Variants in AIRE observed in about 807,000 individuals in gnomAD.
AIRE encodes the protein autoimmune polyendocrinopathy candidiasis ectodermal dystrophy protein.
AIRE carries 52 observed loss-of-function variants against 62.1 expected under a neutral mutation model. The ratio of observed to expected loss-of-function variants is 0.84; its 90% CI spans 0.67 to 1.06. AIRE has a LOEUF of 1.06. Among genes scored for constraint, AIRE ranks in the 50% least tolerant of loss-of-function variants. The pLI, the probability that AIRE is intolerant of heterozygous loss-of-function variation, is 0.00. For missense variants in AIRE, 774 were observed against 755.8 expected (o/e 1.02, Z -0.28); for synonymous variants, 342 against 321.6 (o/e 1.06, Z -0.68).
chr21:44,291,474 C>T (rs1188168796), intron 8 of AIRE, among the ~76,000 whole-genome samples: 1 of 152,134 alleles, frequency 6.6e-6, no homozygotes, highest in Non-Finnish European at 1.5e-5. Flanking sequence ...GCGAAGATGC[C>T]ACCCTGTCCA....
intron 5 of AIRE, 188 bp downstream of exon 5, chr21:44,288,646 G>C (rs1400877108): frequency 6.8e-6 from 4 of 585,034 alleles, no homozygotes; most frequent in African/African-American, 3.7e-5. Context: ...TCCCTGTCGG[G>C]GGACCTTCTG....
chr21:44,293,319 TG>T (rs941753835), intron 10 of AIRE, 144 bp downstream of exon 10: 2 of 41,138 alleles, frequency 4.9e-5, no homozygotes, highest in Non-Finnish European at 8.3e-5. Context: ...GGGGGGAGCG[TG>T]GGGGGCTGCG....
At position 44,286,501 on chromosome 21, in the gene AIRE, G is replaced by C; in HGVS notation, c.133-56G>C. Reference sequence around the variant, plus strand: ...CACCCTCTAGTCATGATGGAGATGGGCAGGCCGCAGGGTGTGGGGGACCAT... The same window carrying C: ...CACCCTCTAGTCATGATGGAGATGGCCAGGCCGCAGGGTGTGGGGGACCAT... On this transcript the variant is annotated intron_variant, in intron 1 of 13. Coordinates refer to ENST00000291582, the MANE Select transcript of AIRE (RefSeq NM_000383.4). The surrounding 1 kb of genome is among the most constrained non-coding windows in gnomAD (Gnocchi z 6.0). 1 of 1,549,020 alleles carries C rather than the reference G, an allele frequency of 6.5e-7. No homozygotes were observed. Among genetic ancestry groups the C allele is most frequent in the Non-Finnish European group, 8.8e-7 (1 of 1,136,592 alleles).
At chr21:44,290,353 C>G in intron 7 of AIRE, 1 of 985,444 alleles carries the variant, frequency 1.0e-6, no homozygotes, top group Non-Finnish European at 1.2e-6. Context: ...GTGGGTGGGC[C>G]GGGCGCCCCT....
chr21:44,292,908 GT>G, intron 9 of AIRE, 84 bp from the exon 10 acceptor site: 1 of 1,362,050 alleles, frequency 7.3e-7, no homozygotes, highest in South Asian at 1.2e-5. Flanking sequence ...GCTGCCCTGG[GT>G]TTCAGGGTCC....
chr21:44,289,739 G>A lies in AIRE; in HGVS notation c.735G>A (p.Lys245=). 1 of 1,612,828 alleles carries A rather than the reference G, an allele frequency of 6.2e-7. No homozygotes were observed. The highest frequency in any genetic ancestry group is 1.3e-5 in the African/African-American group (1 of 75,070). ...KFEDSGSGKN[K]ARSSSGPKPL... is the part of the protein sequence containing the mutation. The stretch of plus-strand genomic sequence containing the variant: ...AAGACTCCGGCAGTGGGAAGAACAA[G>A]GCCCGCAGCAGCAGTGGCCCGAAGC... The change falls in exon 6 of 14, where the codon AAG becomes AAA. Residue 245 remains lysine (K), a synonymous_variant. Transcript: ENST00000291582.
chr21:44,296,292 A>G, intron 12 of AIRE, 91 bp from the exon 13 acceptor site: 1 of 1,168,858 alleles, frequency 8.6e-7, no homozygotes, highest in Non-Finnish European at 1.3e-6. Flanking sequence ...GTGTGGGGGA[A>G]ACACCCCCGC....
chr21:44,293,319 TGGGGGGCTGC>T, intron 10 of AIRE, 144 bp downstream of exon 10: 1 of 41,138 alleles, frequency 2.4e-5, no homozygotes, highest in Non-Finnish European at 4.2e-5. Flanking sequence ...GGGGGGAGCG[TGGGGGGCTGC>T]GGGGGGAAGG....
rs1416009608 is a variant in AIRE at position 44,286,508 on chromosome 21, G to A, written c.133-49G>A. 7 of 1,564,402 alleles carry A rather than the reference G, an allele frequency of 4.5e-6. No individual in the cohort carries two copies. The highest frequency in any genetic ancestry group is 2.3e-5 in the South Asian group (2 of 86,676). ...TAGTCATGATGGAGATGGGCAGGCCGCAGGGTGTGGGGGACCATGGCAGGG... is the reference window on the plus strand; with the variant it reads ...TAGTCATGATGGAGATGGGCAGGCCACAGGGTGTGGGGGACCATGGCAGGG... On this transcript the variant is annotated intron_variant, in intron 1 of 13. Transcript: ENST00000291582. The surrounding 1 kb of genome is among the most constrained non-coding windows in gnomAD (Gnocchi z 6.0).
intron 12 of AIRE, 139 bp from the exon 13 acceptor site, chr21:44,296,244 C>T (rs2040605454): frequency 2.4e-6 from 2 of 847,208 alleles, no homozygotes; most frequent in Non-Finnish European, 4.0e-6. Context: ...CCTGTGCCCC[C>T]ACCCCCAGTG....
In AIRE at chr21:44,293,121, G is replaced by A; in HGVS notation, c.1224G>A (p.Gly408=). Residue 408 remains glycine, a synonymous_variant, in exon 10 of 14, where the codon GGG becomes GGA. Coordinates refer to ENST00000291582, the MANE Select transcript of AIRE (RefSeq NM_000383.4). ...CGCCTTCTGCAGCCCCGCTGCCAGG[G>A]CTGGACTCCTCGGCCCTGCACCCCC... ...PAPPSAAPLP[G]LDSSALHPLL... 1.2e-6 allele frequency: 2 copies of A among 1,601,766 alleles called. No homozygotes were observed. The highest frequency in any genetic ancestry group is 1.7e-6 in the Non-Finnish European group (2 of 1,175,044).
In AIRE at chr21:44,291,145, CT is replaced by C. The variant is rs1555872755; in HGVS notation, c.931del (p.Cys311ValfsTer67). 1.2e-6 allele frequency: 2 copies of C among 1,611,054 alleles called. No individual in the cohort carries two copies. The highest frequency in any genetic ancestry group is 1.7e-6 in the Non-Finnish European group (2 of 1,179,814). Reference protein sequence around the residue: ...VCRDGGELICCDGCPRAFHLA... With the variant: ...VCRDGGELICXDGCPRAFHLA... Reference sequence around the variant, plus strand: ...GTCGGGACGGCGGGGAGCTCATCTGCTGTGACGGCTGCCCTCGGGCCTTCCA... The same window carrying C: ...GTCGGGACGGCGGGGAGCTCATCTGCGTGACGGCTGCCCTCGGGCCTTCCA... On this transcript the variant is annotated frameshift_variant, in exon 8 of 14. Transcript: ENST00000291582. LOFTEE classifies it high-confidence loss of function.
At chr21:44,290,550 C>T (rs1037221088) in intron 7 of AIRE, 82 of 777,286 alleles carry the variant, frequency 1.1e-4, no homozygotes, top group Admixed American at 6.2e-4. Context: ...CAGTCCTGCC[C>T]TGCAGGAGCA....
At chr21:44,288,311 C>T in intron 4 of AIRE, 34 bp from the exon 5 acceptor site, 1 of 1,492,634 alleles carries the variant, frequency 6.7e-7, no homozygotes, top group Non-Finnish European at 9.3e-7. Flanking sequence ...CAGTCTTCCC[C>T]ACGGGTGACC....
chr21:44,288,204 G>C, intron 4 of AIRE, 141 bp from the exon 5 acceptor site: 1 of 714,146 alleles, frequency 1.4e-6, no homozygotes, highest in South Asian at 1.5e-5. Flanking sequence ...TCTGCACATG[G>C]CAGGGCTGGG....
rs1315860642 is a variant in AIRE, at chr21:44,287,290, T to C, written c.463+157T>C. On this transcript the variant is annotated intron_variant, in intron 3 of 13. Transcript: ENST00000291582. The surrounding 1 kb of genome is among the most constrained non-coding windows in gnomAD (Gnocchi z 4.3). ...TCCTCTGGGTACTAGACCCACACAC[T>C]GGACCAGCCTCTCAGCTCCCTCCTG... 1 of 881,522 alleles carries C rather than the reference T, an allele frequency of 1.1e-6. No individual in the cohort carries two copies. The highest frequency in any genetic ancestry group is 1.7e-6 in the Non-Finnish European group (1 of 577,676). The allele number at this position is 881,522 out of a possible 1,614,324, so 54.6% of individuals were successfully genotyped here.
At chr21:44,292,927 C>A in intron 9 of AIRE, 66 bp from the exon 10 acceptor site, 1 of 1,513,182 alleles carries the variant, frequency 6.6e-7, no homozygotes, top group Non-Finnish European at 9.1e-7. Flanking sequence ...TCCCAGCAGT[C>A]ACTGACTCCT....
intron 9 of AIRE, 151 bp downstream of exon 9, chr21:44,292,552 A>C: frequency 1.6e-6 from 1 of 631,416 alleles, no homozygotes; most frequent in Admixed American, 2.5e-5. Flanking sequence ...CCCCATGCCC[A>C]AGCCCGGTCC....
chr21:44,296,430 G>C lies in AIRE; in HGVS notation c.1551G>C (p.Glu517Asp), dbSNP rs1176489622. The C allele has an allele frequency of 6.2e-7, 1 of 1,612,506 alleles. No individual in the cohort carries two copies. The highest frequency in any genetic ancestry group is 1.1e-5 in the South Asian group (1 of 91,086). ...CCGCTCTGCACAGGGATGACCTGGA[G>C]TCCCTTCTGAGCGAGGTAACGCCTC... ...HEPALHRDDL[E>D]SLLSEHTFDG... Residue 517 changes from glutamate to aspartate, a missense_variant, in exon 13 of 14, where the codon GAG becomes GAC. Glu to Asp is a conservative substitution (Grantham distance 45). Transcript: ENST00000291582.
Sources: allele counts gnomAD v4.1 joint callset (sites outside exome capture counted in the v4.1 genomes callset), GRCh38; gene constraint gnomAD v4.1.1; non-coding constraint Gnocchi (gnomAD v3.1); transcripts MANE v1.5; gene names NCBI Gene and HGNC (gene_info 2026-07-23, HGNC 2026-07-21).